The following DCC variants were observed in gnomAD, a reference collection of about 807,000 sequenced individuals.
DCC encodes netrin receptor DCC.
In DCC, 58 loss-of-function variants were observed where a neutral mutation model predicts 172.5. The observed-to-expected ratio is 0.34, with a 90% CI of 0.27 to 0.42. The LOEUF (loss-of-function observed/expected upper bound fraction) is 0.42. Ranked by LOEUF, DCC falls within the 10% of genes least tolerant of loss-of-function variation. The probability of loss-of-function intolerance (pLI) is 1.00; values close to 1 mark genes in which losing one functional copy is unlikely to be tolerated. For missense variants in DCC, 1,740 were observed against 1,791.0 expected, an observed-to-expected ratio of 0.97 and a Z score of 0.51; for synonymous variants, 709 against 644.5, an observed-to-expected ratio of 1.10 and a Z score of -1.52.
intron 1 of DCC, among the ~76,000 whole-genome samples, chr18:52,726,633 C>G (rs1449202533): frequency 1.3e-5 from 2 of 152,004 alleles, no homozygotes; most frequent in East Asian, 3.9e-4. Context: ...CATTGAAACC[C>G]AGGTCTCCCA....
At chr18:52,610,785 A>T (rs2034263134) in intron 1 of DCC, among the ~76,000 whole-genome samples, 1 of 152,182 alleles carries the variant, frequency 6.6e-6, no homozygotes. Flanking sequence ...CCTTACATTT[A>T]GATTTCATAT....
chr18:52,424,117 G>A (rs1987344813), intron 1 of DCC, among the ~76,000 whole-genome samples: 1 of 152,096 alleles, frequency 6.6e-6, no homozygotes, highest in Non-Finnish European at 1.5e-5. Flanking sequence ...TATTTTATCA[G>A]TCTTCTAATT....
At chr18:52,887,171 C>T (rs1051244474) in intron 2 of DCC, among the ~76,000 whole-genome samples, 16 of 152,152 alleles carry the variant, frequency 1.1e-4, no homozygotes, top group African/African-American at 3.1e-4. Context: ...TGAATTTGAT[C>T]ACTAATTAAG....
At chr18:53,100,969 TG>T (rs34282615) in intron 7 of DCC, among the ~76,000 whole-genome samples, 78,365 of 151,788 alleles carry the variant, frequency 0.52, 20,838 homozygotes, top group African/African-American at 0.59. Context: ...ATCCAGACCA[TG>T]GGGGAGGAAG....
intron 1 of DCC, among the ~76,000 whole-genome samples, chr18:52,653,160 G>C (rs985700887): frequency 6.6e-6 from 1 of 152,124 alleles, no homozygotes; most frequent in East Asian, 1.9e-4. Flanking sequence ...ACAATAGGAA[G>C]TATTCTTTTA....
chr18:52,673,681 T>C (rs377530279), intron 1 of DCC, among the ~76,000 whole-genome samples: 43 of 152,278 alleles, frequency 2.8e-4, no homozygotes, highest in African/African-American at 8.2e-4. Flanking sequence ...AACATGGACC[T>C]TGATGGTGTA....
chr18:53,146,851 G>C (rs1469847173), intron 7 of DCC, among the ~76,000 whole-genome samples: 1 of 152,128 alleles, frequency 6.6e-6, no homozygotes, highest in East Asian at 1.9e-4. Flanking sequence ...CACATGTGCT[G>C]TGTTATAGTT....
At chr18:53,010,974 C>T (rs765696149) in intron 5 of DCC, among the ~76,000 whole-genome samples, 2 of 150,986 alleles carry the variant, frequency 1.3e-5, no homozygotes, top group Non-Finnish European at 3.0e-5. Flanking sequence ...ATTTTAATTG[C>T]TTATTTTCAA....
intron 1 of DCC, among the ~76,000 whole-genome samples, chr18:52,610,738 G>A: frequency 6.6e-6 from 1 of 152,156 alleles, no homozygotes; most frequent in East Asian, 1.9e-4. Context: ...TAAATGAATG[G>A]GTGTGGCTAT....
intron 3 of DCC, among the ~76,000 whole-genome samples, chr18:52,914,988 A>T (rs1421045342): frequency 6.6e-6 from 1 of 152,198 alleles, no homozygotes; most frequent in East Asian, 1.9e-4. Context: ...ACCGAGGAGT[A>T]CACAATGAGG....
chr18:52,919,621 A>G (rs1361694497), intron 3 of DCC, among the ~76,000 whole-genome samples: 1 of 136,380 alleles, frequency 7.3e-6, no homozygotes, highest in East Asian at 2.1e-4. Flanking sequence ...CTGAAAATGG[A>G]AAAGTCGATG....
At chr18:52,758,810 A>C (rs1326553068) in intron 2 of DCC, 6 of 152,208 alleles carry the variant, frequency 3.9e-5, no homozygotes, top group African/African-American at 1.2e-4. Flanking sequence ...AATTTTGCCT[A>C]GAAGGTCAAC....
intron 1 of DCC, among the ~76,000 whole-genome samples, chr18:52,363,911 A>G (rs2144276713): frequency 6.6e-6 from 1 of 152,292 alleles, no homozygotes; most frequent in African/African-American, 2.4e-5. Flanking sequence ...ACTCTCACCC[A>G]GTCCTGGGAA....
intron 2 of DCC, among the ~76,000 whole-genome samples, chr18:52,790,001 GTA>G (rs2037730029): frequency 6.6e-6 from 1 of 152,052 alleles, no homozygotes; most frequent in Non-Finnish European, 1.5e-5. Context: ...AGAGCTTAAG[GTA>G]TTTTGTAAAC....
At chr18:53,197,069 CAA>C (rs1297155023) in intron 9 of DCC, among the ~76,000 whole-genome samples, 3 of 151,904 alleles carry the variant, frequency 2.0e-5, no homozygotes, top group Non-Finnish European at 2.9e-5. Flanking sequence ...GAAAAAAAAT[CAA>C]AGAGGCAATC....
At chr18:52,448,801 C>T (rs1272603224) in intron 1 of DCC, among the ~76,000 whole-genome samples, 1 of 152,158 alleles carries the variant, frequency 6.6e-6, no homozygotes, top group Non-Finnish European at 1.5e-5. Context: ...CAGCTAATGG[C>T]CATAACTTTC....
intron 1 of DCC, among the ~76,000 whole-genome samples, chr18:52,707,770 G>C (rs1202929639): frequency 4.6e-5 from 7 of 152,148 alleles, no homozygotes; most frequent in Non-Finnish European, 1.0e-4. Context: ...AACAAGACAA[G>C]TACTACATGA....
chr18:53,271,460 TATG>T (rs1246575702), intron 12 of DCC, among the ~76,000 whole-genome samples: 1 of 152,132 alleles, frequency 6.6e-6, no homozygotes, highest in Non-Finnish European at 1.5e-5. Flanking sequence ...TGTCTCAAGT[TATG>T]AATAGGAGCT....
At chr18:53,464,848 A>G (rs1484214998) in intron 24 of DCC, among the ~76,000 whole-genome samples, 2 of 151,846 alleles carry the variant, frequency 1.3e-5, no homozygotes, top group East Asian at 1.9e-4. Context: ...ACGTGGTGGT[A>G]CATGCCTGTA....
Sources: allele counts gnomAD v4.1 joint callset (sites outside exome capture counted in the v4.1 genomes callset), GRCh38; gene constraint gnomAD v4.1.1; transcripts MANE v1.5; gene names NCBI Gene and HGNC (gene_info 2026-07-23, HGNC 2026-07-21).